SUPT3H: variants seen among roughly 807,000 people sequenced by gnomAD.
The protein encoded by SUPT3H is SPT3 homolog, SAGA and STAGA complex component.
Under a neutral mutation model 44.3 loss-of-function variants are expected in SUPT3H, and 44 were observed. The ratio of observed to expected loss-of-function variants is 0.99; its 90% confidence interval spans 0.78 to 1.28. The LOEUF (loss-of-function observed/expected upper bound fraction) is 1.28. Among genes scored for constraint, SUPT3H ranks in the 50% most tolerant of loss-of-function variants. SUPT3H has a pLI of 0.00. For missense variants in SUPT3H, 380 were observed against 387.1 expected (o/e 0.98, Z 0.15); for synonymous variants, 124 against 125.6 (o/e 0.99, Z 0.09).
At chr6:44,994,757 T>G (rs1365811820) in intron 6 of SUPT3H, among the ~76,000 whole-genome samples, 2 of 152,072 alleles carry the variant, frequency 1.3e-5, no homozygotes, top group Non-Finnish European at 2.9e-5. Flanking sequence ...ACCTGAAGAT[T>G]AGGCCAACAA....
rs1456174356 is a variant in SUPT3H, at chr6:45,241,488, C to T, written c.101+123713G>A. Among the ~76,000 whole-genome samples, 5 of 152,164 alleles carry T rather than the reference C, an allele frequency of 3.3e-5. No individual in the cohort carries two copies. The South Asian group carries it at 8.3e-4, about 25-fold the overall frequency. Reference sequence around the variant, plus strand: ...TTGTTTCGGCCCATCCCTTTTTTCCCGTAAGGAATACTTTTAATCTATAAT... The same window carrying T: ...TTGTTTCGGCCCATCCCTTTTTTCCTGTAAGGAATACTTTTAATCTATAAT... On this transcript the variant is annotated intron_variant, in intron 2 of 10. Coordinates refer to ENST00000371459, the MANE Select transcript of SUPT3H (RefSeq NM_003599.4).
chr6:45,321,796 C>T lies in SUPT3H; in HGVS notation c.101+43405G>A, dbSNP rs139710179. On this transcript the variant is annotated intron_variant, in intron 2 of 10. Transcript: ENST00000371459. ...AGGAACACAATTTCCCACTACTTAC[C>T]TGCCAGAATCATTCAGCAGTGGAAG... 615 of 1,600,170 alleles carry T rather than the reference C, an allele frequency of 3.8e-4. 3 individuals carry two copies. In the African/African-American group the frequency reaches 7.6e-3, roughly 20 times the overall value.
chr6:44,849,479 G>A (rs1015616811), intron 10 of SUPT3H, among the ~76,000 whole-genome samples: 3 of 151,702 alleles, frequency 2.0e-5, no homozygotes, highest in African/African-American at 7.3e-5. Context: ...CGCCCGCCTC[G>A]GCCTCCCAAA....
At chr6:44,878,037 G>A (rs1246117344) in intron 10 of SUPT3H, among the ~76,000 whole-genome samples, 1 of 152,076 alleles carries the variant, frequency 6.6e-6, no homozygotes, top group Non-Finnish European at 1.5e-5. Flanking sequence ...AAGCTATTTT[G>A]ACACCCAACT....
chr6:44,928,906 AAAAG>A, intron 10 of SUPT3H, among the ~76,000 whole-genome samples: 4 of 58,532 alleles, frequency 6.8e-5, no homozygotes, highest in South Asian at 1.4e-3. Flanking sequence ...AAAAAAAAAG[AAAAG>A]AAAAGAAACA....
chr6:45,204,552 A>G (rs9349315), intron 2 of SUPT3H, among the ~76,000 whole-genome samples: 61,581 of 152,004 alleles, frequency 0.41, 12,905 homozygotes, highest in East Asian at 0.71. Flanking sequence ...TTCCTTCCAC[A>G]TATATTCTCC....
chr6:45,363,674 A>C (rs1272513708), intron 2 of SUPT3H, among the ~76,000 whole-genome samples: 1 of 152,052 alleles, frequency 6.6e-6, no homozygotes, highest in Non-Finnish European at 1.5e-5. Flanking sequence ...ATAATGAAAA[A>C]AATTAAACTA....
At chr6:45,107,672 T>C (rs1345676804) in intron 2 of SUPT3H, among the ~76,000 whole-genome samples, 1 of 152,210 alleles carries the variant, frequency 6.6e-6, no homozygotes, top group Non-Finnish European at 1.5e-5. Context: ...GCAATTCATT[T>C]GTTGAAGAAC....
chr6:45,304,390 T>A (rs1017457588), intron 2 of SUPT3H, among the ~76,000 whole-genome samples: 2 of 152,190 alleles, frequency 1.3e-5, no homozygotes, highest in African/African-American at 4.8e-5. Flanking sequence ...ATAATTATGC[T>A]CAAAGACACA....
At chr6:45,374,709 A>G (rs925134200) in intron 1 of SUPT3H, among the ~76,000 whole-genome samples, 3 of 152,202 alleles carry the variant, frequency 2.0e-5, no homozygotes, top group African/African-American at 7.2e-5. Flanking sequence ...ACCTGATTTG[A>G]CTGACATAGA....
intron 10 of SUPT3H, among the ~76,000 whole-genome samples, chr6:44,889,694 A>G (rs1311006455): frequency 1.3e-5 from 2 of 152,214 alleles, no homozygotes; most frequent in Non-Finnish European, 1.5e-5. Flanking sequence ...TTCAGGACAT[A>G]GGCATGGGCA....
intron 7 of SUPT3H, among the ~76,000 whole-genome samples, chr6:44,958,110 T>C (rs939215353): frequency 1.3e-5 from 2 of 152,134 alleles, no homozygotes; most frequent in South Asian, 4.1e-4. Context: ...AACCTGGAAA[T>C]TGACTAACAA....
rs183692329 is a variant in SUPT3H at position 44,931,279 on chromosome 6, C to A, written c.912+1374G>T. ...GCTTCTAGATTATTATCAAACACTG[C>A]CTCTTTTTTCTTCTTTTTCCCTTCC... On this transcript the variant is annotated intron_variant, in intron 10 of 10. Transcript: ENST00000371459. Among the ~76,000 whole-genome samples, 331 of 152,224 alleles carry A rather than the reference C, an allele frequency of 2.2e-3. 1 individual carries two copies. The highest frequency in any genetic ancestry group is 7.6e-3 in the African/African-American group (316 of 41,554).
At chr6:45,203,010 T>A (rs1046133155) in intron 2 of SUPT3H, among the ~76,000 whole-genome samples, 5 of 151,942 alleles carry the variant, frequency 3.3e-5, no homozygotes, top group Non-Finnish European at 5.9e-5. Context: ...TGATAAAATA[T>A]AAGGTAAAGA....
intron 10 of SUPT3H, among the ~76,000 whole-genome samples, chr6:44,883,294 A>C (rs1778559657): frequency 6.6e-6 from 1 of 152,206 alleles, no homozygotes; most frequent in Non-Finnish European, 1.5e-5. Flanking sequence ...AAGAGAATAA[A>C]ATACCTAGGA....
intron 2 of SUPT3H, among the ~76,000 whole-genome samples, chr6:45,333,424 C>G (rs1391851290): frequency 6.6e-6 from 1 of 151,424 alleles, no homozygotes; most frequent in East Asian, 1.9e-4. Context: ...TATACAGTAT[C>G]TTCACTTTAT....
chr6:44,977,168 C>T (rs1778450646), intron 6 of SUPT3H, among the ~76,000 whole-genome samples: 1 of 152,138 alleles, frequency 6.6e-6, no homozygotes, highest in Admixed American at 6.5e-5. Context: ...GTTTTTGCAA[C>T]TTGGTGATGT....
intron 10 of SUPT3H, among the ~76,000 whole-genome samples, chr6:44,920,642 A>G (rs1768557756): frequency 6.6e-6 from 1 of 152,042 alleles, no homozygotes; most frequent in Non-Finnish European, 1.5e-5. Flanking sequence ...AGAAAACACT[A>G]TTATTTGTGG....
intron 10 of SUPT3H, among the ~76,000 whole-genome samples, chr6:44,856,023 T>C (rs1465752079): frequency 1.3e-5 from 2 of 152,230 alleles, no homozygotes; most frequent in Admixed American, 1.3e-4. Flanking sequence ...TCTTTTATTG[T>C]ACCTTTTTCA....
Sources: gnomAD v4.1 joint callset for allele counts (sites outside exome capture counted in the v4.1 genomes callset) on GRCh38, gnomAD v4.1.1 for gene constraint, MANE v1.5 for transcripts, NCBI Gene and HGNC (gene_info 2026-07-23, HGNC 2026-07-21) for gene names.